The following ANO4 variants were observed in gnomAD, a reference collection of about 807,000 sequenced individuals.
ANO4 encodes the protein anoctamin-4.
A neutral mutation model predicts 141.9 loss-of-function variants in ANO4; 69 were observed. That is an observed-to-expected ratio of 0.49 (90% CI 0.40 to 0.59). ANO4 has a LOEUF of 0.59. Among genes scored for constraint, ANO4 ranks in the 20% least tolerant of loss-of-function variants. The pLI, the probability that ANO4 is intolerant of heterozygous loss-of-function variation, is 0.00. For missense variants in ANO4, 894 were observed against 1,162.2 expected, an observed-to-expected ratio of 0.77 and a Z score of 3.36; for synonymous variants, 350 against 394.3, an observed-to-expected ratio of 0.89 and a Z score of 1.33.
chr12:101,028,878 A>G (rs974081005), intron 9 of ANO4, among the ~76,000 whole-genome samples: 3 of 152,266 alleles, frequency 2.0e-5, no homozygotes, highest in East Asian at 3.9e-4. Context: ...AAACATAATC[A>G]TCAGATTGTC....
chr12:101,100,447 C>T (rs1180830365), intron 22 of ANO4, among the ~76,000 whole-genome samples: 1 of 152,048 alleles, frequency 6.6e-6, no homozygotes, highest in Non-Finnish European at 1.5e-5. Context: ...TGCTTATGTT[C>T]TAAGTATCTA....
intron 14 of ANO4, among the ~76,000 whole-genome samples, chr12:101,062,794 A>C (rs1363749280): frequency 6.6e-6 from 1 of 152,200 alleles, no homozygotes; most frequent in African/African-American, 2.4e-5. Context: ...CAAGAATTTC[A>C]AGCCTGTGGC....
intron 3 of ANO4, among the ~76,000 whole-genome samples, chr12:100,752,493 CAG>C (rs1160147970): frequency 6.6e-6 from 1 of 152,142 alleles, no homozygotes; most frequent in African/African-American, 2.4e-5. Context: ...ATCCATTAAA[CAG>C]ATGTCACTGC....
chr12:101,011,891 C>A (rs181330631), intron 8 of ANO4, among the ~76,000 whole-genome samples: 1 of 151,966 alleles, frequency 6.6e-6, no homozygotes, highest in African/African-American at 2.4e-5. Flanking sequence ...ACAAAGTTAC[C>A]CCTTCCTCCT....
chr12:100,990,577 C>T (rs985058796), intron 8 of ANO4, among the ~76,000 whole-genome samples: 1 of 152,108 alleles, frequency 6.6e-6, no homozygotes, highest in Non-Finnish European at 1.5e-5. Flanking sequence ...ATTTAGTGTT[C>T]ACTTCTTGCC....
intron 1 of ANO4, among the ~76,000 whole-genome samples, chr12:100,725,981 G>A (rs76106681): frequency 4.4e-4 from 67 of 152,190 alleles, no homozygotes; most frequent in East Asian, 1.4e-3. Context: ...CAATCTGAGC[G>A]GTCACCCCTC....
chr12:101,009,453 G>A (rs1429766644), intron 8 of ANO4, among the ~76,000 whole-genome samples: 2 of 152,026 alleles, frequency 1.3e-5, no homozygotes, highest in African/African-American at 4.8e-5. Flanking sequence ...TCATTATACT[G>A]CACTCATTAT....
chr12:100,912,972 A>T (rs1390044413), intron 2 of ANO4, among the ~76,000 whole-genome samples: 1 of 152,034 alleles, frequency 6.6e-6, no homozygotes, highest in African/African-American at 2.4e-5. Context: ...TAGATGTGTG[A>T]TGTGAGTTTA....
intron 22 of ANO4, among the ~76,000 whole-genome samples, chr12:101,104,622 T>C (rs1486413427): frequency 4.3e-5 from 1 of 23,470 alleles, no homozygotes; most frequent in Non-Finnish European, 6.6e-5. Flanking sequence ...TGTGTATGTA[T>C]GTGTGTATAT....
At chr12:101,030,701 A>G (rs924506697) in intron 9 of ANO4, among the ~76,000 whole-genome samples, 1 of 152,154 alleles carries the variant, frequency 6.6e-6, no homozygotes, top group Non-Finnish European at 1.5e-5. Flanking sequence ...AAAAAATAAG[A>G]AATACCACTA....
At chr12:100,956,287 G>C (rs987327393) in intron 5 of ANO4, among the ~76,000 whole-genome samples, 1 of 152,164 alleles carries the variant, frequency 6.6e-6, no homozygotes, top group Admixed American at 6.5e-5. Context: ...GATGGTCTTC[G>C]AAGAAGGTGG....
chr12:101,093,765 C>T (rs1211651157), intron 17 of ANO4, among the ~76,000 whole-genome samples: 2 of 152,084 alleles, frequency 1.3e-5, no homozygotes, highest in South Asian at 2.1e-4. Flanking sequence ...AGTGGAGTAC[C>T]ATAAGCTCTG....
At chr12:100,977,778 G>A (rs568141920) in intron 7 of ANO4, among the ~76,000 whole-genome samples, 1 of 152,018 alleles carries the variant, frequency 6.6e-6, no homozygotes, top group Non-Finnish European at 1.5e-5. Context: ...ATTGTCACTT[G>A]GTGGCTACCA....
intron 2 of ANO4, among the ~76,000 whole-genome samples, chr12:100,736,527 G>A (rs1593245028): frequency 3.3e-5 from 5 of 152,240 alleles, no homozygotes; most frequent in South Asian, 2.1e-4. Context: ...GCAGACTTGG[G>A]CCAAGTGGCC....
chr12:100,988,109 T>TC (rs1467935549), intron 8 of ANO4, among the ~76,000 whole-genome samples: 3 of 152,110 alleles, frequency 2.0e-5, no homozygotes, highest in Admixed American at 2.0e-4. Flanking sequence ...ACTTCTCAGT[T>TC]CCCCTTTCTT....
intron 3 of ANO4, among the ~76,000 whole-genome samples, chr12:100,777,050 G>A (rs915469075): frequency 4.6e-5 from 7 of 151,398 alleles, no homozygotes; most frequent in Non-Finnish European, 7.4e-5. Context: ...ATGAAGAAAA[G>A]CAATTTAGTG....
At chr12:100,979,852 C>T (rs1305027401) in intron 7 of ANO4, among the ~76,000 whole-genome samples, 11 of 150,982 alleles carry the variant, frequency 7.3e-5, no homozygotes, top group African/African-American at 2.7e-4. Flanking sequence ...CTCAGCCTCC[C>T]GAGTAGCTGG....
intron 26 of ANO4, among the ~76,000 whole-genome samples, chr12:101,125,491 C>A (rs891664411): frequency 2.6e-5 from 4 of 152,158 alleles, no homozygotes; most frequent in African/African-American, 9.7e-5. Flanking sequence ...TGGGCCAGAA[C>A]TTCCAATACT....
At chr12:100,936,142 G>A (rs1018815415) in intron 3 of ANO4, among the ~76,000 whole-genome samples, 3 of 152,144 alleles carry the variant, frequency 2.0e-5, no homozygotes, top group African/African-American at 2.4e-5. Flanking sequence ...AGTGGCAGTA[G>A]CCCCATGACT....
Sources: gnomAD v4.1 joint callset for allele counts (sites outside exome capture counted in the v4.1 genomes callset) on GRCh38, gnomAD v4.1.1 for gene constraint, MANE v1.5 for transcripts, NCBI Gene and HGNC (gene_info 2026-07-23, HGNC 2026-07-21) for gene names.